The following THSD7B variants were observed in gnomAD, a reference collection of about 807,000 sequenced individuals.
THSD7B encodes thrombospondin type 1 domain containing 7B, also known as thrombospondin type-1 domain-containing protein 7B.
Under a neutral mutation model 213.6 loss-of-function variants are expected in THSD7B, and 138 were observed. The ratio of observed to expected loss-of-function variants is 0.65; its 90% CI spans 0.56 to 0.74. The LOEUF (loss-of-function observed/expected upper bound fraction) is 0.74, where lower values mean the gene tolerates loss of function less well. Among genes scored for constraint, THSD7B ranks in the 30% least tolerant of loss-of-function variants. The pLI is 0.00. For synonymous variants in THSD7B, 742 were observed against 687.0 expected (o/e 1.08, Z -1.25); for missense variants, 1,931 against 1,991.5 (o/e 0.97, Z 0.58).
chr2:137,132,144 T>C (rs12466238), intron 5 of THSD7B, among the ~76,000 whole-genome samples: 74,141 of 146,402 alleles, frequency 0.51, 20,086 homozygotes, highest in Non-Finnish European at 0.59. Context: ...TTGAAGCAAT[T>C]GTGAATGGCA....
chr2:137,010,848 A>G (rs1316481533), intron 2 of THSD7B, among the ~76,000 whole-genome samples: 1 of 152,100 alleles, frequency 6.6e-6, no homozygotes, highest in African/African-American at 2.4e-5. Flanking sequence ...ATATCAATCA[A>G]TCTCTCTCAC....
intron 17 of THSD7B, among the ~76,000 whole-genome samples, chr2:137,575,417 ACCTC>A (rs1393145915): frequency 1.8e-4 from 28 of 152,026 alleles, no homozygotes; most frequent in African/African-American, 6.0e-4. Context: ...ATAAAATGTC[ACCTC>A]CATTACTGAA....
intron 2 of THSD7B, among the ~76,000 whole-genome samples, chr2:136,956,597 G>A (rs1402174326): frequency 9.0e-5 from 11 of 122,366 alleles, no homozygotes; most frequent in Non-Finnish European, 1.8e-4. Flanking sequence ...GTGAGACCCT[G>A]TCTCAAAAAA....
intron 5 of THSD7B, among the ~76,000 whole-genome samples, chr2:137,158,569 G>A (rs933500507): frequency 2.6e-5 from 4 of 152,074 alleles, no homozygotes; most frequent in Admixed American, 6.6e-5. Flanking sequence ...ATTTTGTTTC[G>A]CAGCCTCTCT....
At chr2:136,982,647 T>TCA (rs914806267) in intron 2 of THSD7B, among the ~76,000 whole-genome samples, 1 of 152,086 alleles carries the variant, frequency 6.6e-6, no homozygotes, top group African/African-American at 2.4e-5. Flanking sequence ...AGGCCCTTTT[T>TCA]CACACACACA....
intron 20 of THSD7B, among the ~76,000 whole-genome samples, chr2:137,621,949 G>A (rs1418626455): frequency 6.6e-6 from 1 of 152,122 alleles, no homozygotes; most frequent in East Asian, 1.9e-4. Flanking sequence ...CGTGAAAGAG[G>A]AAGCAAGAGA....
chr2:137,237,113 CAA>C (rs70978209), intron 9 of THSD7B, among the ~76,000 whole-genome samples: 49,293 of 109,566 alleles, frequency 0.45, 8,527 homozygotes, highest in East Asian at 0.53. Context: ...AACTCCGTCT[CAA>C]AAAAAAAAAA....
chr2:137,670,384 ATTTATCTGCTACT>A (rs1683536371), intron 27 of THSD7B, among the ~76,000 whole-genome samples: 1 of 152,094 alleles, frequency 6.6e-6, no homozygotes, highest in African/African-American at 2.4e-5. Context: ...ACTCTTTCAA[ATTTATCTGCTACT>A]AATTCCCTAT....
chr2:137,305,807 A>AGAGTGTACTTACATGACACACATCTAGAT (rs1683727861), intron 12 of THSD7B, among the ~76,000 whole-genome samples: 1 of 152,106 alleles, frequency 6.6e-6, no homozygotes, highest in African/African-American at 2.4e-5. Flanking sequence ...TGAACATCAT[A>AGAGTGTACTTACATGACACACATCTAGAT]GAGTGTACTT....
intron 14 of THSD7B, among the ~76,000 whole-genome samples, chr2:137,417,587 A>C (rs985011586): frequency 4.6e-5 from 7 of 151,802 alleles, no homozygotes; most frequent in Non-Finnish European, 1.0e-4. Flanking sequence ...CTACTGGCTA[A>C]TTTTTTATTT....
intron 12 of THSD7B, among the ~76,000 whole-genome samples, chr2:137,394,063 C>T (rs1207670741): frequency 7.9e-6 from 1 of 126,264 alleles, no homozygotes; most frequent in South Asian, 3.0e-4. Context: ...GGATATTAGC[C>T]CTTTGTCAGA....
intron 1 of THSD7B, among the ~76,000 whole-genome samples, chr2:136,847,607 G>A (rs181680840): frequency 6.6e-6 from 1 of 152,186 alleles, no homozygotes; most frequent in East Asian, 1.9e-4. Flanking sequence ...TGGCAACCTT[G>A]GATAAGAGTT....
intron 12 of THSD7B, among the ~76,000 whole-genome samples, chr2:137,388,686 C>T (rs1321083997): frequency 2.0e-5 from 3 of 152,072 alleles, no homozygotes; most frequent in Admixed American, 6.6e-5. Context: ...ATATCCTTCT[C>T]ATCCTCTGGT....
chr2:137,548,633 C>A lies in THSD7B; in HGVS notation c.3139-14588C>A, dbSNP rs144416126. Among the ~76,000 whole-genome samples, 91 of 152,112 alleles carry A rather than the reference C, an allele frequency of 6.0e-4. 1 individual carries two copies. The highest frequency in any genetic ancestry group is 2.0e-3 in the African/African-American group (82 of 41,512). ...ACCCCAGCTAGCTGCAGTCTCCAGA[C>A]TTTATTCTGTACACGTCATGGCCCT... is the stretch of plus-strand genomic sequence containing the variant. On this transcript the variant is annotated intron_variant, in intron 15 of 27. Coordinates refer to ENST00000409968, the MANE Select transcript of THSD7B (RefSeq NM_001316349.2).
At chr2:136,922,650 T>C (rs1162323804) in intron 2 of THSD7B, among the ~76,000 whole-genome samples, 2 of 152,214 alleles carry the variant, frequency 1.3e-5, no homozygotes, top group African/African-American at 4.8e-5. Flanking sequence ...AACTCTTGTT[T>C]GCTACATTTA....
intron 1 of THSD7B, among the ~76,000 whole-genome samples, chr2:136,790,905 C>T (rs149072679): frequency 6.6e-6 from 1 of 152,106 alleles, no homozygotes; most frequent in East Asian, 1.9e-4. Context: ...AGAAAATATT[C>T]ACTCAATAGA....
intron 1 of THSD7B, among the ~76,000 whole-genome samples, chr2:136,873,203 T>A (rs941895603): frequency 6.6e-6 from 1 of 152,166 alleles, no homozygotes; most frequent in Admixed American, 6.5e-5. Flanking sequence ...TGAGGACTTT[T>A]TGCGAAATTT....
chr2:137,215,605 C>T (rs1681220034), intron 7 of THSD7B, among the ~76,000 whole-genome samples: 1 of 152,088 alleles, frequency 6.6e-6, no homozygotes, highest in Admixed American at 6.6e-5. Flanking sequence ...AAGATGACCA[C>T]CTAGTAATAG....
intron 12 of THSD7B, among the ~76,000 whole-genome samples, chr2:137,356,248 G>A (rs1273348392): frequency 2.6e-5 from 4 of 152,112 alleles, no homozygotes; most frequent in Non-Finnish European, 4.4e-5. Flanking sequence ...CTATACCTAT[G>A]CCCGCTCAGG....
Sources: gnomAD v4.1 joint callset for allele counts (sites outside exome capture counted in the v4.1 genomes callset) on GRCh38, gnomAD v4.1.1 for gene constraint, MANE v1.5 for transcripts, NCBI Gene and HGNC (gene_info 2026-07-23, HGNC 2026-07-21) for gene names.